MTMR9: variants seen among roughly 807,000 people sequenced by gnomAD.
MTMR9 encodes myotubularin-related protein 9.
MTMR9 carries 39 observed loss-of-function variants against 69.5 expected under a neutral mutation model. The ratio of observed to expected loss-of-function variants is 0.56; its 90% CI spans 0.43 to 0.73. The LOEUF is 0.73. Among genes scored for constraint, MTMR9 ranks in the 30% least tolerant of loss-of-function variants. The pLI is 0.00. For missense variants in MTMR9, 900 were observed against 671.2 expected (o/e 1.34, Z -3.77); for synonymous variants, 354 against 240.8 (o/e 1.47, Z -4.35).
At chr8:11,322,220 C>G (rs919393159) in intron 9 of MTMR9, among the ~76,000 whole-genome samples, 4 of 152,110 alleles carry the variant, frequency 2.6e-5, no homozygotes, top group Non-Finnish European at 4.4e-5. Context: ...TGGCTTCACA[C>G]ATTTAAGGGA....
At chr8:11,338,066 T>C in the MTMR9 span, among the ~76,000 whole-genome samples, 1 of 152,122 alleles carries the variant, frequency 6.6e-6, no homozygotes, top group Non-Finnish European at 1.5e-5. Context: ...TTCGGACTTG[T>C]GGGGAAAAGA....
chr8:11,300,464 T>A (rs1325028642), intron 3 of MTMR9: 1 of 173,736 alleles, frequency 5.8e-6, no homozygotes, highest in East Asian at 1.7e-4. Flanking sequence ...TTATGTAACA[T>A]ATTGAAATTT....
chr8:11,330,840 C>T (rs1260807260), downstream of MTMR9: 3 of 543,018 alleles, frequency 5.5e-6, no homozygotes, highest in Admixed American at 7.3e-5. Context: ...TGTTTATCTG[C>T]TGACCTTCCC....
At chr8:11,331,627 G>A, downstream of MTMR9, 1 of 1,612,986 alleles carries the variant, frequency 6.2e-7, no homozygotes, top group Non-Finnish European at 8.5e-7. Flanking sequence ...ATCATTCTGG[G>A]ACCTGGACTC....
At chr8:11,300,265 A>G (rs1043869399) in intron 3 of MTMR9, 117 bp downstream of exon 3, 4 of 1,101,872 alleles carry the variant, frequency 3.6e-6, no homozygotes, top group Admixed American at 4.4e-5. Context: ...ATCCATTCCT[A>G]ATCTTAATAT....
intron 2 of MTMR9, among the ~76,000 whole-genome samples, chr8:11,296,639 A>G (rs1410863896): frequency 6.6e-6 from 1 of 152,042 alleles, no homozygotes; most frequent in African/African-American, 2.4e-5. Context: ...AGTACATAGT[A>G]TTTGTCTTTT....
intron 1 of MTMR9, among the ~76,000 whole-genome samples, chr8:11,289,467 A>C (rs1421233820): frequency 6.6e-6 from 1 of 152,060 alleles, no homozygotes; most frequent in East Asian, 1.9e-4. Context: ...GTTGTATACA[A>C]GTTTTACAGT....
the MTMR9 span, among the ~76,000 whole-genome samples, chr8:11,335,074 CTA>C: frequency 3.6e-4 from 55 of 152,236 alleles, no homozygotes; most frequent in African/African-American, 1.3e-3. Flanking sequence ...GAAATTATAA[CTA>C]ATGCAATGAG....
At chr8:11,314,260 A>G (rs897124270) in intron 6 of MTMR9, among the ~76,000 whole-genome samples, 2 of 152,210 alleles carry the variant, frequency 1.3e-5, no homozygotes, top group Non-Finnish European at 2.9e-5. Context: ...GAGAAGATGT[A>G]GTAAATTTAG....
At chr8:11,315,165 A>T (rs1800364347) in intron 7 of MTMR9, 101 bp downstream of exon 7, 6 of 1,429,902 alleles carry the variant, frequency 4.2e-6, no homozygotes, top group Non-Finnish European at 5.8e-6. Flanking sequence ...ATTGATTAAA[A>T]TTTCTAAGTT....
chr8:11,311,881 C>CT (rs35158873), intron 6 of MTMR9, among the ~76,000 whole-genome samples: 52,373 of 144,822 alleles, frequency 0.36, 10,209 homozygotes, highest in East Asian at 0.66. Context: ...TATTCTAAAT[C>CT]TTTTTTTTTT....
chr8:11,301,523 A>G (rs913178785), intron 3 of MTMR9, among the ~76,000 whole-genome samples: 1 of 152,244 alleles, frequency 6.6e-6, no homozygotes, highest in South Asian at 2.1e-4. Context: ...TTATGCAACT[A>G]AACATGAGAA....
At chr8:11,298,540 G>T (rs142247929) in intron 2 of MTMR9, among the ~76,000 whole-genome samples, 1 of 151,894 alleles carries the variant, frequency 6.6e-6, no homozygotes, top group Non-Finnish European at 1.5e-5. Context: ...CTGTATGTCC[G>T]GTCTACTATT....
intron 6 of MTMR9, among the ~76,000 whole-genome samples, chr8:11,312,237 A>T (rs1800231517): frequency 6.6e-6 from 1 of 151,576 alleles, no homozygotes; most frequent in Admixed American, 6.6e-5. Flanking sequence ...TTTAACAGAG[A>T]TGTGGTTTCT....
chr8:11,315,001 C>G lies in MTMR9; in HGVS notation c.1050C>G (p.Ile350Met), dbSNP rs1195741377. The part of the protein sequence containing the change: ...TLQVTSLAQI[I>M]LEPRSRTIRG... Reference sequence around the variant, plus strand: ...AGGTGACCTCCTTGGCCCAGATCATCTTAGAGCCAAGAAGCAGGACCATTC... The same window carrying G: ...AGGTGACCTCCTTGGCCCAGATCATGTTAGAGCCAAGAAGCAGGACCATTC... Residue 350 changes from isoleucine to methionine, a missense_variant, in exon 7 of 10, where the codon ATC becomes ATG. Physicochemically the swap from Ile to Met is conservative, Grantham distance 10. Coordinates refer to ENST00000221086, the MANE Select transcript of MTMR9 (RefSeq NM_015458.4). 1 of 1,614,014 alleles carries G rather than the reference C, an allele frequency of 6.2e-7. No individual in the cohort carries two copies. Among genetic ancestry groups the G allele is most frequent in the Admixed American group, 1.7e-5 (1 of 60,014 alleles).
chr8:11,300,241 G>A (rs1799704729), intron 3 of MTMR9, 93 bp downstream of exon 3: 2 of 1,415,782 alleles, frequency 1.4e-6, no homozygotes, highest in Non-Finnish European at 1.9e-6. Context: ...AGAGTAATAA[G>A]GTGAAGTTGA....
In MTMR9 at chr8:11,323,038, G is replaced by T. The variant is rs774005110; in HGVS notation, c.*250G>T. 7.3e-5 allele frequency: 22 copies of T among 302,136 alleles called. No individual in the cohort carries two copies. The highest frequency in any genetic ancestry group is 9.1e-5 in the Non-Finnish European group (15 of 165,050). 18.7% of individuals were successfully genotyped at this position (302,136 alleles called of 1,614,324 possible). A position where few individuals can be genotyped will look rare whatever the true frequency, so the allele number is the denominator to read the frequency against. ...GAGGTGCTAGTCATTTTATTTTTAC[G>T]TGAAATAGATGACCTATTTAATGCC... On this transcript the variant is annotated 3_prime_UTR_variant, in exon 10 of 10. Transcript: ENST00000221086.
the MTMR9 span, among the ~76,000 whole-genome samples, chr8:11,335,949 A>T: frequency 1.3e-5 from 2 of 152,044 alleles, no homozygotes; most frequent in African/African-American, 2.4e-5. Context: ...AGTTGGGGGG[A>T]GGACACAATT....
chr8:11,331,237 T>G (rs1210051916), downstream of MTMR9: 1 of 1,613,862 alleles, frequency 6.2e-7, no homozygotes, highest in Admixed American at 1.7e-5. Context: ...CTGGTGGCCC[T>G]GCTGGGTGGG....
Sources: allele counts gnomAD v4.1 joint callset (sites outside exome capture counted in the v4.1 genomes callset), GRCh38; gene constraint gnomAD v4.1.1; transcripts MANE v1.5; gene names NCBI Gene and HGNC (gene_info 2026-07-23, HGNC 2026-07-21).